NCOA3: variants seen among roughly 807,000 people sequenced by gnomAD.
The protein encoded by NCOA3 is nuclear receptor coactivator 3.
Under a neutral mutation model 158.8 loss-of-function variants are expected in NCOA3, and 51 were observed. That is an observed-to-expected ratio of 0.32 (90% CI 0.26 to 0.41). The LOEUF (loss-of-function observed/expected upper bound fraction) is 0.41, where lower values mean the gene tolerates loss of function less well. Among genes scored for constraint, NCOA3 ranks in the 10% least tolerant of loss-of-function variants. The pLI is 1.00. For synonymous variants in NCOA3, 537 were observed against 592.4 expected (o/e 0.91, Z 1.36); for missense variants, 1,510 against 1,746.6 (o/e 0.86, Z 2.41).
At chr20:47,547,710 G>A (rs544705861) in intron 1 of NCOA3, among the ~76,000 whole-genome samples, 5 of 150,844 alleles carry the variant, frequency 3.3e-5, no homozygotes, top group South Asian at 2.1e-4. Flanking sequence ...GAGCCACCGC[G>A]CCCGGCCCGT....
chr20:47,625,137 G>A lies in NCOA3; in HGVS notation c.257-244G>A, dbSNP rs575507348. Among the ~76,000 whole-genome samples the A allele has an allele frequency of 2.3e-3, 347 of 152,272 alleles. 2 individuals carry two copies. The highest frequency in any genetic ancestry group is 1.7e-3 in the Non-Finnish European group (117 of 68,022). ...CCTGTTATTTGGTAGTTCCTTTTCA[G>A]GAAGCTGTGGGATAGTACATTTAGT... On this transcript the variant is annotated intron_variant, in intron 4 of 22. Transcript: ENST00000371998.
intron 1 of NCOA3, among the ~76,000 whole-genome samples, chr20:47,560,968 CTTTTTT>C (rs11481985): frequency 3.0e-5 from 3 of 101,188 alleles, no homozygotes; most frequent in Admixed American, 1.2e-4. Flanking sequence ...ATCCCTCATT[CTTTTTT>C]TTTTTTTTTT....
intron 1 of NCOA3, among the ~76,000 whole-genome samples, chr20:47,524,953 A>G (rs1190103505): frequency 2.0e-5 from 3 of 147,708 alleles, no homozygotes; most frequent in African/African-American, 7.5e-5. Context: ...TTTTCTTTTT[A>G]TTGATCATTC....
At chr20:47,581,680 G>A (rs543494992) in intron 1 of NCOA3, among the ~76,000 whole-genome samples, 14 of 152,242 alleles carry the variant, frequency 9.2e-5, no homozygotes, top group Non-Finnish European at 1.6e-4. Flanking sequence ...TCATATTGTT[G>A]CTTTATTGTT....
chr20:47,619,148 C>T lies in NCOA3; in HGVS notation c.-19-3081C>T, dbSNP rs6018592. Reference sequence around the variant, plus strand: ...TGACCACCTATTACATGGTAGGCCCCTTACTCCTTACTGAGTATTCAACTT... The same window carrying T: ...TGACCACCTATTACATGGTAGGCCCTTTACTCCTTACTGAGTATTCAACTT... On this transcript the variant is annotated intron_variant, in intron 2 of 22. Coordinates refer to ENST00000371998, the MANE Select transcript of NCOA3 (RefSeq NM_181659.3). Among the ~76,000 whole-genome samples the T allele has an allele frequency of 7.2e-3, 1,090 of 152,226 alleles. 21 individuals carry two copies. The highest frequency in any genetic ancestry group is 0.025 in the African/African-American group (1,032 of 41,540).
At chr20:47,506,035 C>T (rs910172884) in intron 1 of NCOA3, among the ~76,000 whole-genome samples, 1 of 152,086 alleles carries the variant, frequency 6.6e-6, no homozygotes, top group Non-Finnish European at 1.5e-5. Flanking sequence ...GAACTCCTGA[C>T]CTCAAGTGAT....
At chr20:47,599,320 A>C (rs2085818331) in intron 2 of NCOA3, among the ~76,000 whole-genome samples, 2 of 152,118 alleles carry the variant, frequency 1.3e-5, no homozygotes, top group Admixed American at 1.3e-4. Context: ...TAAAGACGCA[A>C]ATACGTAAGT....
rs781117403 is a variant in NCOA3, at chr20:47,627,706, C to T, written c.678C>T (p.Cys226=). The T allele has an allele frequency of 1.9e-6, 3 of 1,613,982 alleles. No homozygotes were observed. The highest frequency in any genetic ancestry group is 2.2e-5 in the East Asian group (1 of 44,884). The change falls in exon 7 of 23, where the codon TGC becomes TGT. Residue 226 remains cysteine (C), a synonymous_variant. Coordinates refer to ENST00000371998, the MANE Select transcript of NCOA3 (RefSeq NM_181659.3). ...EMRQRYETMQ[C]FALSQPRAMM... is the part of the protein sequence containing the mutation. ...GCCAGAGATATGAAACAATGCAGTGCTTTGCCCTGTCTCAGCCACGAGCTA... is the reference window on the plus strand; with the variant it reads ...GCCAGAGATATGAAACAATGCAGTGTTTTGCCCTGTCTCAGCCACGAGCTA...
rs772325407 is a variant in NCOA3, at chr20:47,651,304, C to A, written c.3946+28C>A. ...AAATCTGACAATGAAAATGTGCCTT[C>A]CCCAAGTTAACATTACTAAGGACAT... On this transcript the variant is annotated intron_variant, in intron 20 of 22. Coordinates refer to ENST00000371998, the MANE Select transcript of NCOA3 (RefSeq NM_181659.3). The A allele has an allele frequency of 2.5e-6, 4 of 1,579,722 alleles. No individual in the cohort carries two copies. In the South Asian group the frequency reaches 4.7e-5, roughly 18 times the overall value.
intron 1 of NCOA3, among the ~76,000 whole-genome samples, chr20:47,516,845 T>A (rs756915103): frequency 3.3e-5 from 5 of 151,034 alleles, no homozygotes; most frequent in Non-Finnish European, 4.4e-5. Context: ...GAAAATTGCT[T>A]GAACTGAGGA....
intron 2 of NCOA3, among the ~76,000 whole-genome samples, chr20:47,621,106 C>T (rs1253260517): frequency 6.6e-6 from 1 of 152,110 alleles, no homozygotes. Flanking sequence ...AGCTTTTTAG[C>T]CTTTCCATTT....
At chr20:47,627,424 A>G (rs746601863) in intron 6 of NCOA3, 137 bp from the exon 7 acceptor site, 7 of 745,556 alleles carry the variant, frequency 9.4e-6, no homozygotes, top group Non-Finnish European at 1.5e-5. Context: ...TGTTTTGTAT[A>G]TTGCCAGCCT....
chr20:47,636,307 C>T lies in NCOA3; in HGVS notation c.1921C>T (p.Pro641Ser). 2 of 1,614,182 alleles carry T rather than the reference C, an allele frequency of 1.2e-6. No individual in the cohort carries two copies. Among genetic ancestry groups the T allele is most frequent in the Non-Finnish European group, 1.7e-6 (2 of 1,180,038 alleles). The part of the protein sequence containing the change: ...DRGHSSLTNS[P>S]LDSSCKESSV... Reference sequence around the variant, plus strand: ...GGGTCATTCCTCCTTGACCAACTCCCCCCTAGATTCAAGTTGTAAAGAATC... The same window carrying T: ...GGGTCATTCCTCCTTGACCAACTCCTCCCTAGATTCAAGTTGTAAAGAATC... The change falls in exon 12 of 23, where the codon CCC becomes TCC. Residue 641 changes from proline (P) to serine (S), a missense_variant. Pro to Ser is a moderately conservative substitution (Grantham distance 74). This residue lies in a region of NCOA3 where 1,017 missense variants were observed against 1,098.3 expected (regional missense o/e 0.93). Coordinates refer to ENST00000371998, the MANE Select transcript of NCOA3 (RefSeq NM_181659.3).
rs754409383 is a variant in NCOA3, at chr20:47,639,152, G to A, written c.2657G>A (p.Gly886Asp). The A allele has an allele frequency of 6.2e-6, 10 of 1,614,158 alleles. No individual in the cohort carries two copies. The highest frequency in any genetic ancestry group is 3.3e-5 in the Admixed American group (2 of 60,014). ...ATGTTACCAAAGCAACCCATGTTGG[G>A]TGGGAATCCAAGAATGATGGATAGT... is the stretch of plus-strand genomic sequence containing the variant. ...FPMLPKQPML[G>D]GNPRMMDSQE... is the part of the protein sequence containing the mutation. Residue 886 changes from glycine to aspartate, a missense_variant, in exon 14 of 23, where the codon GGT (glycine) becomes GAT (aspartate). Gly to Asp is a moderately conservative substitution (Grantham distance 94, BLOSUM62 -1). This residue lies in a region of NCOA3 where 1,017 missense variants were observed against 1,098.3 expected (regional missense o/e 0.93). Transcript: ENST00000371998.
At chr20:47,556,932 T>C (rs181802654) in intron 1 of NCOA3, among the ~76,000 whole-genome samples, 183 of 152,356 alleles carry the variant, frequency 1.2e-3, no homozygotes, top group East Asian at 4.6e-3. Flanking sequence ...CAGTTTTTAC[T>C]TTGTTGGCTC....
At chr20:47,601,058 T>C (rs1446615978) in intron 2 of NCOA3, among the ~76,000 whole-genome samples, 2 of 152,160 alleles carry the variant, frequency 1.3e-5, no homozygotes, top group African/African-American at 4.8e-5. Flanking sequence ...AACTAGGTAG[T>C]TTATAAAAGA....
chr20:47,616,555 A>G (rs2086143191), intron 2 of NCOA3, among the ~76,000 whole-genome samples: 1 of 152,222 alleles, frequency 6.6e-6, no homozygotes. Context: ...AGTGTAGCAT[A>G]CAACTTTTTT....
Position 47,635,789 on chromosome 20 carries a change from A to G in NCOA3, c.1504+76A>G, listed in dbSNP as rs963466834. 17 of 1,490,440 alleles carry G rather than the reference A, an allele frequency of 1.1e-5. No individual in the cohort carries two copies. The African/African-American group carries it at 1.9e-4, about 16-fold the overall frequency. 92.3% of individuals were successfully genotyped at this position (1,490,440 alleles called of 1,614,324 possible). On this transcript the variant is annotated intron_variant, in intron 11 of 22. Coordinates refer to ENST00000371998, the MANE Select transcript of NCOA3 (RefSeq NM_181659.3). ...CTTTCCATACTACTATAATTCTTGT[A>G]AAGTTAATCTATTTTATAATAGAAA...
intron 9 of NCOA3, 32 bp downstream of exon 9, chr20:47,633,668 A>G (rs2146317209): frequency 6.3e-7 from 1 of 1,598,384 alleles, no homozygotes; most frequent in Non-Finnish European, 8.5e-7. Flanking sequence ...TGTTCTTATC[A>G]TTTTATTCTT....
Sources: allele counts gnomAD v4.1 joint callset (sites outside exome capture counted in the v4.1 genomes callset), GRCh38; gene constraint gnomAD v4.1.1; regional missense constraint gnomAD v4.1.1; transcripts MANE v1.5; gene names NCBI Gene and HGNC (gene_info 2026-07-23, HGNC 2026-07-21).